The following GAS2 variants were observed in gnomAD, a reference collection of about 807,000 sequenced individuals.
The protein encoded by GAS2 is growth arrest-specific protein 2.
A neutral mutation model predicts 37.5 loss-of-function variants in GAS2; 20 were observed. The ratio of observed to expected loss-of-function variants is 0.53; its 90% CI spans 0.37 to 0.77. The LOEUF is 0.77. Ranked by LOEUF, GAS2 falls within the 30% of genes least tolerant of loss-of-function variation. GAS2 has a pLI of 0.00. For missense variants in GAS2, 336 were observed against 373.4 expected, an observed-to-expected ratio of 0.90 and a Z score of 0.82; for synonymous variants, 144 against 132.2, an observed-to-expected ratio of 1.09 and a Z score of -0.61.
chr11:22,697,993 T>A (rs1232089703), intron 3 of GAS2, among the ~76,000 whole-genome samples: 1 of 151,938 alleles, frequency 6.6e-6, no homozygotes, highest in Non-Finnish European at 1.5e-5. Flanking sequence ...TGAATAGGAG[T>A]GGTGAGAGAG....
intron 4 of GAS2, among the ~76,000 whole-genome samples, chr11:22,735,151 G>C (rs1852681916): frequency 6.9e-6 from 1 of 145,334 alleles, no homozygotes; most frequent in Non-Finnish European, 1.5e-5. Context: ...TCCTTTCTCT[G>C]TTCTAAGTAT....
At chr11:22,640,631 T>C (rs1858898153) in intron 1 of GAS2, among the ~76,000 whole-genome samples, 1 of 152,192 alleles carries the variant, frequency 6.6e-6, no homozygotes, top group African/African-American at 2.4e-5. Flanking sequence ...AAAAATTACA[T>C]TCATGAAGCA....
rs114700917 is a variant in GAS2 at position 22,801,630 on chromosome 11, T to G, written c.724-10168T>G. On this transcript the variant is annotated intron_variant, in intron 7 of 7. Transcript: ENST00000454584. ...TTGCATTCATTATTAGGAAAATAATTTTTGAAATAACACAGCTCCTTAATT... is the reference window on the plus strand; with the variant it reads ...TTGCATTCATTATTAGGAAAATAATGTTTGAAATAACACAGCTCCTTAATT... 9.0e-3 allele frequency among the ~76,000 whole-genome samples: 1,365 copies of G among 152,180 alleles called. 16 individuals are homozygous for G. Among genetic ancestry groups the G allele is most frequent in the African/African-American group, 0.031 (1,303 of 41,518 alleles).
chr11:22,723,980 G>A (rs533188737), intron 3 of GAS2, among the ~76,000 whole-genome samples: 19 of 151,840 alleles, frequency 1.3e-4, no homozygotes, highest in Admixed American at 1.3e-4. Flanking sequence ...ATAAGTAAAT[G>A]TTCCTTGATA....
At chr11:22,645,276 G>T in intron 1 of GAS2, among the ~76,000 whole-genome samples, 1 of 152,054 alleles carries the variant, frequency 6.6e-6, no homozygotes, top group African/African-American at 2.4e-5. Context: ...TTGGGAGGCC[G>T]AGATGGGCAG....
chr11:22,789,366 A>G (rs1397656983), intron 7 of GAS2, among the ~76,000 whole-genome samples: 2 of 108,990 alleles, frequency 1.8e-5, no homozygotes, highest in African/African-American at 3.1e-5. Flanking sequence ...ACATACACAT[A>G]TACACATATA....
chr11:22,626,265 T>C (rs759420649), intron 1 of GAS2: 2 of 211,746 alleles, frequency 9.4e-6, no homozygotes, highest in East Asian at 2.2e-4. Context: ...TTGAGAAACA[T>C]GTACTAAAAA....
intron 7 of GAS2, 130 bp downstream of exon 7, chr11:22,756,083 T>C: frequency 1.6e-6 from 1 of 632,780 alleles, no homozygotes; most frequent in Non-Finnish European, 2.7e-6. Context: ...TATGAATTTT[T>C]TTAAAGTAAC....
At chr11:22,681,518 C>T (rs544336702) in intron 2 of GAS2, among the ~76,000 whole-genome samples, 2 of 152,160 alleles carry the variant, frequency 1.3e-5, no homozygotes, top group Admixed American at 1.3e-4. Context: ...AATGTCTTTA[C>T]GGACCAGCAC....
Position 22,774,122 on chromosome 11 carries a change from T to C in GAS2, c.723+18169T>C, listed in dbSNP as rs1012503424. ...AATTCCCCTGTCTCAGCCTCCCAAG[T>C]AGCTGAGATTACAGGAGCATGCCAC... On this transcript the variant is annotated intron_variant, in intron 7 of 7. Coordinates refer to ENST00000454584, the MANE Select transcript of GAS2 (RefSeq NM_001143830.3). 6.8e-4 allele frequency among the ~76,000 whole-genome samples: 104 copies of C among 152,262 alleles called. 1 individual carries two copies. The highest frequency in any genetic ancestry group is 2.4e-3 in the African/African-American group (98 of 41,568).
At chr11:22,639,406 C>T (rs1327927351) in intron 1 of GAS2, among the ~76,000 whole-genome samples, 1 of 152,166 alleles carries the variant, frequency 6.6e-6, no homozygotes, top group African/African-American at 2.4e-5. Context: ...CTTGGACTCC[C>T]CAGCCTCCAT....
At chr11:22,725,432 G>A (rs1852153310) in intron 3 of GAS2, among the ~76,000 whole-genome samples, 1 of 152,068 alleles carries the variant, frequency 6.6e-6, no homozygotes, top group Admixed American at 6.6e-5. Context: ...AAAGTCTGTA[G>A]AATGTTATAT....
chr11:22,681,814 T>A (rs426876), intron 2 of GAS2, among the ~76,000 whole-genome samples: 55,914 of 151,918 alleles, frequency 0.37, 11,290 homozygotes, highest in African/African-American at 0.55. Context: ...ATGGATAAAT[T>A]CAGCTACTTT....
chr11:22,685,692 T>C lies in GAS2; in HGVS notation c.170T>C (p.Phe57Ser). The C allele has an allele frequency of 1.2e-6, 2 of 1,613,566 alleles. No homozygotes were observed. Among genetic ancestry groups the C allele is most frequent in the Non-Finnish European group, 8.5e-7 (1 of 1,179,796 alleles). Reference sequence around the variant, plus strand: ...GGGAAGGAGATTACAGCAGAAACTTTTATGGAGAAGTTGGACAATGGTGCC... The same window carrying C: ...GGGAAGGAGATTACAGCAGAAACTTCTATGGAGAAGTTGGACAATGGTGCC... ...LLGKEITAET[F>S]MEKLDNGALL... Residue 57 changes from phenylalanine to serine, a missense_variant, in exon 3 of 8, where the codon TTT becomes TCT. Physicochemically the swap from Phe to Ser is radical, Grantham distance 155. Transcript: ENST00000454584.
chr11:22,722,220 T>C (rs114070297), intron 3 of GAS2, among the ~76,000 whole-genome samples: 2,115 of 152,052 alleles, frequency 0.014, 42 homozygotes, highest in African/African-American at 0.048. Flanking sequence ...TCTTGGTTGT[T>C]TCCTGATGGG....
At chr11:22,728,097 G>T (rs1026984450) in intron 4 of GAS2, among the ~76,000 whole-genome samples, 11 of 151,944 alleles carry the variant, frequency 7.2e-5, no homozygotes, top group Non-Finnish European at 4.4e-5. Context: ...TTTGTTCATT[G>T]TACAATTTTT....
At chr11:22,735,676 T>A (rs1473453032) in intron 4 of GAS2, among the ~76,000 whole-genome samples, 2 of 151,946 alleles carry the variant, frequency 1.3e-5, no homozygotes, top group African/African-American at 2.4e-5. Flanking sequence ...TTCTTCAGAA[T>A]GAATTTGATT....
At chr11:22,801,138 T>G (rs1856642961) in intron 7 of GAS2, among the ~76,000 whole-genome samples, 1 of 152,088 alleles carries the variant, frequency 6.6e-6, no homozygotes, top group Admixed American at 6.6e-5. Context: ...TTTAAGTTCT[T>G]ACCTCCATAT....
intron 3 of GAS2, among the ~76,000 whole-genome samples, chr11:22,689,778 A>G (rs997868684): frequency 1.3e-5 from 2 of 152,228 alleles, no homozygotes; most frequent in Admixed American, 6.5e-5. Flanking sequence ...CAAATTGAGT[A>G]TAAATAGTCT....
Sources: allele counts gnomAD v4.1 joint callset (sites outside exome capture counted in the v4.1 genomes callset), GRCh38; gene constraint gnomAD v4.1.1; transcripts MANE v1.5; gene names NCBI Gene and HGNC (gene_info 2026-07-23, HGNC 2026-07-21).